The following TG variants were observed in gnomAD, a reference collection of about 807,000 sequenced individuals.
TG encodes the protein thyroid hormones.
Under a neutral mutation model 324.7 loss-of-function variants are expected in TG, and 270 were observed. That is an observed-to-expected ratio of 0.83 (90% CI 0.75 to 0.92). The LOEUF (loss-of-function observed/expected upper bound fraction) is 0.92, where lower values mean the gene tolerates loss of function less well. Among genes scored for constraint, TG ranks in the 40% least tolerant of loss-of-function variants. The pLI is 0.00. For synonymous variants in TG, 1,401 were observed against 1,327.0 expected (o/e 1.06, Z -1.21); for missense variants, 3,591 against 3,456.4 (o/e 1.04, Z -0.98).
At chr8:132,882,087 G>T (rs1370835807) in intron 6 of TG, 118 bp downstream of exon 6, 2 of 751,332 alleles carry the variant, frequency 2.7e-6, no homozygotes, top group Non-Finnish European at 2.3e-6. Flanking sequence ...CTGCCAGGCT[G>T]CTGTGGGCAT....
At chr8:132,877,106 G>C (rs543132323) in intron 5 of TG, among the ~76,000 whole-genome samples, 1 of 152,168 alleles carries the variant, frequency 6.6e-6, no homozygotes, top group Admixed American at 6.5e-5. Context: ...TGCATCAGGC[G>C]CTCTGCTAGG....
chr8:133,087,587 G>A (rs1268649928), intron 41 of TG: 1 of 152,140 alleles, frequency 6.6e-6, no homozygotes, highest in Admixed American at 6.5e-5. Context: ...TCATATTTTA[G>A]TGTGGAATTC....
At chr8:133,049,525 T>C (rs1368347527) in intron 41 of TG, 1 of 292,614 alleles carries the variant, frequency 3.4e-6, no homozygotes, top group African/African-American at 2.2e-5. Context: ...CATAAAAAGC[T>C]TGTTCACTGG....
chr8:132,892,759 T>C (rs756229025), intron 10 of TG, among the ~76,000 whole-genome samples: 14 of 148,574 alleles, frequency 9.4e-5, no homozygotes, highest in Non-Finnish European at 2.0e-4. Flanking sequence ...TGCACTTATG[T>C]GTGTGGTATG....
At chr8:132,986,667 A>G (rs1016052382) in intron 35 of TG, among the ~76,000 whole-genome samples, 2 of 152,184 alleles carry the variant, frequency 1.3e-5, no homozygotes, top group African/African-American at 4.8e-5. Context: ...TCATTATAAA[A>G]ATAGCAAAGT....
At chr8:133,106,801 A>G (rs1849841868) in intron 43 of TG, among the ~76,000 whole-genome samples, 2 of 152,170 alleles carry the variant, frequency 1.3e-5, no homozygotes, top group African/African-American at 2.4e-5. Flanking sequence ...AGCCTGTCTC[A>G]CAGAACTAGA....
rs1377779274 is a variant in TG, at chr8:132,941,328, ATTTTG to A, written c.5042-20_5042-16del. On this transcript the variant is annotated intron_variant, in intron 25 of 47. Transcript: ENST00000220616. ...CTGCCATGTTTTGAGGTCTTTTAAA[ATTTTG>A]TTCTGCCTTTCCCCCAGGCCAAGGA... The A allele has an allele frequency of 2.5e-6, 4 of 1,614,080 alleles. No individual in the cohort carries two copies. In the African/African-American group the frequency reaches 5.3e-5, roughly 22 times the overall value.
intron 25 of TG, among the ~76,000 whole-genome samples, chr8:132,940,371 A>G (rs893583302): frequency 5.3e-5 from 8 of 152,206 alleles, no homozygotes; most frequent in African/African-American, 1.9e-4. Flanking sequence ...CTATATATCT[A>G]TCCCTGAAAA....
intron 45 of TG, among the ~76,000 whole-genome samples, chr8:133,118,797 C>G (rs1290042897): frequency 6.6e-6 from 1 of 152,108 alleles, no homozygotes; most frequent in Non-Finnish European, 1.5e-5. Flanking sequence ...GGACCCAATC[C>G]CTGGAACCTG....
chr8:132,939,259 A>G (rs560601806), intron 25 of TG, among the ~76,000 whole-genome samples: 1 of 152,270 alleles, frequency 6.6e-6, no homozygotes, highest in Admixed American at 6.5e-5. Flanking sequence ...TGCTATTGCA[A>G]TATTAACTTT....
chr8:132,958,363 CT>C (rs1827239034), intron 27 of TG, among the ~76,000 whole-genome samples: 1 of 8,646 alleles, frequency 1.2e-4, no homozygotes, highest in African/African-American at 1.1e-3. Context: ...ATCTGTCTAT[CT>C]ATCTATCTAT....
chr8:133,103,795 T>C (rs937544650), intron 43 of TG, among the ~76,000 whole-genome samples: 4 of 152,178 alleles, frequency 2.6e-5, no homozygotes, highest in African/African-American at 9.7e-5. Flanking sequence ...ACATAGATTA[T>C]TCAGAGGCTT....
rs1057524360 is a variant in TG at position 132,900,273 on chromosome 8, G to A, written c.3367G>A (p.Gly1123Ser). The part of the protein sequence containing the change: ...EYARLQASGA[G>S]TWCVDPASGE... ...TGCCAGGCTGCAGGCATCGGGGGCT[G>A]GCACCTGGTGTGTGGACCCTGCATC... The change falls in exon 15 of 48, where the codon GGC (glycine) becomes AGC (serine). Residue 1123 changes from glycine (G) to serine (S), a missense_variant. By Grantham distance (56) the Gly-to-Ser change is moderately conservative. Transcript: ENST00000220616. 1 of 1,614,092 alleles carries A rather than the reference G, an allele frequency of 6.2e-7. No homozygotes were observed. Among genetic ancestry groups the A allele is most frequent in the Non-Finnish European group, 8.5e-7 (1 of 1,180,002 alleles).
chr8:133,040,270 T>A (rs1837969603), intron 41 of TG: 1 of 905,620 alleles, frequency 1.1e-6, no homozygotes, highest in African/African-American at 1.7e-5. Context: ...AGGGGCATGG[T>A]AGGTGGTGAC....
intron 11 of TG, among the ~76,000 whole-genome samples, chr8:132,896,916 A>G (rs1017194290): frequency 4.6e-5 from 7 of 152,178 alleles, no homozygotes; most frequent in African/African-American, 1.7e-4. Flanking sequence ...GGACTGCAAG[A>G]GCTGAGGACA....
chr8:132,918,737 T>A (rs531722481), intron 20 of TG, among the ~76,000 whole-genome samples: 1 of 152,294 alleles, frequency 6.6e-6, no homozygotes, highest in East Asian at 1.9e-4. Flanking sequence ...CTCAGTTCTC[T>A]CTAGTCTTAT....
chr8:133,102,360 G>T, intron 43 of TG: 1 of 533,034 alleles, frequency 1.9e-6, no homozygotes, highest in South Asian at 2.7e-5. Context: ...GACAGGAGTG[G>T]AGCCTCTTAC....
chr8:133,002,077 G>A (rs1452786146), intron 35 of TG: 1 of 985,346 alleles, frequency 1.0e-6, no homozygotes, highest in African/African-American at 1.7e-5. Context: ...GGATGGGTCT[G>A]TGATTATTTG....
chr8:133,010,132 GA>G (rs1359121247), intron 35 of TG, among the ~76,000 whole-genome samples: 1 of 152,186 alleles, frequency 6.6e-6, no homozygotes, highest in Non-Finnish European at 1.5e-5. Context: ...ACTCAGACAG[GA>G]TAGAAGGAGC....
Sources: allele counts gnomAD v4.1 joint callset (sites outside exome capture counted in the v4.1 genomes callset), GRCh38; gene constraint gnomAD v4.1.1; transcripts MANE v1.5; gene names NCBI Gene and HGNC (gene_info 2026-07-23, HGNC 2026-07-21).